Variants in SHISA6 observed in about 807,000 individuals in gnomAD.
The protein encoded by SHISA6 is shisa family member 6.
SHISA6 carries 22 observed loss-of-function variants against 47.9 expected under a neutral mutation model. The ratio of observed to expected loss-of-function variants is 0.46; its 90% confidence interval spans 0.33 to 0.66. SHISA6 has a LOEUF of 0.66. Ranked by LOEUF, SHISA6 falls within the 30% of genes least tolerant of loss-of-function variation. The pLI is 0.02. For synonymous variants in SHISA6, 388 were observed against 337.8 expected (o/e 1.15, Z -1.63); for missense variants, 680 against 764.6 (o/e 0.89, Z 1.30).
chr17:11,340,053 A>G (rs1911469809), intron 2 of SHISA6, among the ~76,000 whole-genome samples: 1 of 152,212 alleles, frequency 6.6e-6, no homozygotes, highest in Admixed American at 6.5e-5. Context: ...GAAACTGGCT[A>G]CCTGTTTTTT....
intron 3 of SHISA6, among the ~76,000 whole-genome samples, chr17:11,400,577 C>G (rs915660705): frequency 6.6e-6 from 1 of 152,138 alleles, no homozygotes. Flanking sequence ...TGCCTCCACC[C>G]TCTCTGCTCT....
At chr17:11,455,940 G>A (rs1460505443) in intron 3 of SHISA6, among the ~76,000 whole-genome samples, 6 of 152,104 alleles carry the variant, frequency 3.9e-5, no homozygotes, top group South Asian at 2.1e-4. Flanking sequence ...TCTAGGGTGC[G>A]TGAAGGATTG....
intron 2 of SHISA6, among the ~76,000 whole-genome samples, chr17:11,316,609 A>G (rs1269448197): frequency 1.3e-5 from 2 of 151,688 alleles, no homozygotes; most frequent in African/African-American, 2.4e-5. Flanking sequence ...TTTACTAGAG[A>G]TGGGGTTTCA....
In SHISA6 at chr17:11,467,303, C is replaced by T. The variant is rs11871470; in HGVS notation, c.896-84593C>T. On this transcript the variant is annotated intron_variant, in intron 3 of 5. Coordinates refer to ENST00000441885, the MANE Select transcript of SHISA6 (RefSeq NM_207386.4). The stretch of plus-strand genomic sequence containing the variant: ...GCTGGTCCCCATCTGAGAGATAGTT[C>T]GTGTTTAATTCAAAGATAAACCACC... 4.4e-3 allele frequency among the ~76,000 whole-genome samples: 670 copies of T among 152,168 alleles called. 9 individuals carry two copies. Among genetic ancestry groups the T allele is most frequent in the African/African-American group, 0.015 (603 of 41,510 alleles).
chr17:11,408,716 T>C (rs1310920354), intron 3 of SHISA6, among the ~76,000 whole-genome samples: 1 of 152,206 alleles, frequency 6.6e-6, no homozygotes, highest in Non-Finnish European at 1.5e-5. Context: ...GTATTGACTG[T>C]CCTTTGCCCA....
Position 11,291,558 on chromosome 17 carries a change from C to T in SHISA6, c.799+28032C>T, listed in dbSNP as rs375167441. ...CTGAGGCAGGAGAATTACTTTAACC[C>T]GGGAGGCGGAGATTGCAGTGAGCCA... On this transcript the variant is annotated intron_variant, in intron 2 of 5. Coordinates refer to ENST00000441885, the MANE Select transcript of SHISA6 (RefSeq NM_207386.4). 1.3e-4 allele frequency among the ~76,000 whole-genome samples: 20 copies of T among 152,148 alleles called. No individual in the cohort carries two copies. The East Asian group carries it at 1.9e-3, about 15-fold the overall frequency.
chr17:11,241,652 C>T lies in SHISA6; in HGVS notation c.230C>T (p.Pro77Leu), dbSNP rs1360398226. 3 of 1,433,816 alleles carry T rather than the reference C, an allele frequency of 2.1e-6. No individual in the cohort carries two copies. The highest frequency in any genetic ancestry group is 5.8e-5 in the East Asian group (2 of 34,724). The allele number at this position is 1,433,816 out of a possible 1,614,324, so 88.8% of individuals were successfully genotyped here. The change falls in exon 1 of 6, where the codon CCC becomes CTC. Residue 77 changes from proline to leucine, a missense_variant. Physicochemically the swap from Pro to Leu is moderately conservative, Grantham distance 98 (BLOSUM62 -3). This residue lies in a region of SHISA6 where 559 missense variants were observed against 674.1 expected (regional missense o/e 0.83). Transcript: ENST00000441885. The surrounding 1 kb of genome is among the most constrained non-coding windows in gnomAD (Gnocchi z 5.5). The stretch of plus-strand genomic sequence containing the variant: ...GAGGCGGGAAGCCGGCGGGGGCAGC[C>T]CGCGGCGGCTGTGGCGGCGGCGGCC... ...IPEAGSRRGQ[P>L]AAAVAAAASA...
chr17:11,272,071 A>C (rs912430396), intron 2 of SHISA6, among the ~76,000 whole-genome samples: 1 of 151,554 alleles, frequency 6.6e-6, no homozygotes, highest in Non-Finnish European at 1.5e-5. Flanking sequence ...TCCTCAGCCC[A>C]TCTCCTCCGC....
At chr17:11,396,507 A>G (rs900113963) in intron 3 of SHISA6, among the ~76,000 whole-genome samples, 1 of 152,222 alleles carries the variant, frequency 6.6e-6, no homozygotes, top group Non-Finnish European at 1.5e-5. Context: ...TATACCCAGT[A>G]ATGGGATTGC....
intron 3 of SHISA6, among the ~76,000 whole-genome samples, chr17:11,486,696 C>T (rs1406970257): frequency 6.6e-6 from 1 of 152,196 alleles, no homozygotes; most frequent in African/African-American, 2.4e-5. Flanking sequence ...TTCCGTCATC[C>T]TTCATCTTTC....
intron 3 of SHISA6, among the ~76,000 whole-genome samples, chr17:11,448,895 G>A (rs1231024824): frequency 6.6e-6 from 1 of 152,022 alleles, no homozygotes; most frequent in East Asian, 1.9e-4. Flanking sequence ...TTCTACCATG[G>A]GCCACTGTCA....
intron 3 of SHISA6, among the ~76,000 whole-genome samples, chr17:11,396,270 A>C (rs1182159978): frequency 6.6e-6 from 1 of 152,216 alleles, no homozygotes; most frequent in Non-Finnish European, 1.5e-5. Context: ...AGTATTGGAT[A>C]CTGTTTGCTA....
chr17:11,532,712 C>T (rs1216866890), intron 3 of SHISA6, among the ~76,000 whole-genome samples: 2 of 149,036 alleles, frequency 1.3e-5, no homozygotes, highest in Non-Finnish European at 3.0e-5. Context: ...AAAGCAGGAG[C>T]CCATGCCTTT....
At chr17:11,393,513 G>T (rs192479179) in intron 3 of SHISA6, among the ~76,000 whole-genome samples, 1 of 152,158 alleles carries the variant, frequency 6.6e-6, no homozygotes. Context: ...AACCAAATTT[G>T]CTCCAATGTA....
chr17:11,297,015 C>T (rs180681535), intron 2 of SHISA6, among the ~76,000 whole-genome samples: 3 of 152,018 alleles, frequency 2.0e-5, no homozygotes, highest in African/African-American at 4.8e-5. Context: ...TTCAGGGACT[C>T]GAGAGGCCAA....
intron 3 of SHISA6, among the ~76,000 whole-genome samples, chr17:11,388,829 TA>T (rs1913290331): frequency 7.8e-5 from 8 of 102,348 alleles, no homozygotes; most frequent in Non-Finnish European, 7.6e-5. Flanking sequence ...TATATATATA[TA>T]TATATATATA....
chr17:11,353,670 A>G (rs868242659), intron 2 of SHISA6, among the ~76,000 whole-genome samples: 1 of 152,150 alleles, frequency 6.6e-6, no homozygotes, highest in Non-Finnish European at 1.5e-5. Context: ...TCGCATCATC[A>G]TGGATGTGTG....
intron 3 of SHISA6, among the ~76,000 whole-genome samples, chr17:11,507,770 A>C (rs1251825139): frequency 6.6e-6 from 1 of 152,190 alleles, no homozygotes; most frequent in African/African-American, 2.4e-5. Flanking sequence ...ACTTGAAAGT[A>C]TCTCTCTCCT....
chr17:11,327,094 T>C (rs1910921940), intron 2 of SHISA6, among the ~76,000 whole-genome samples: 1 of 152,174 alleles, frequency 6.6e-6, no homozygotes, highest in African/African-American at 2.4e-5. Context: ...TAGAGACTGA[T>C]GTCCAAATAA....
Sources: allele counts gnomAD v4.1 joint callset (sites outside exome capture counted in the v4.1 genomes callset), GRCh38; gene constraint gnomAD v4.1.1; regional missense constraint gnomAD v4.1.1; non-coding constraint Gnocchi (gnomAD v3.1); transcripts MANE v1.5; gene names NCBI Gene and HGNC (gene_info 2026-07-23, HGNC 2026-07-21).